The following MIPOL1 variants were observed in gnomAD, a reference collection of about 807,000 sequenced individuals.
MIPOL1 encodes mirror-image polydactyly gene 1 protein.
In MIPOL1, 57 loss-of-function variants were observed where a neutral mutation model predicts 60.9. That is an observed-to-expected ratio of 0.94 (90% confidence interval 0.76 to 1.17). The LOEUF (loss-of-function observed/expected upper bound fraction) is 1.17. Ranked by LOEUF, MIPOL1 falls within the 50% of genes most tolerant of loss-of-function variation. MIPOL1 has a pLI of 0.00. For missense variants in MIPOL1, 551 were observed against 511.6 expected (o/e 1.08, Z -0.74); for synonymous variants, 179 against 168.8 (o/e 1.06, Z -0.47).
At chr14:37,299,798 A>G (rs1260123679) in intron 7 of MIPOL1, among the ~76,000 whole-genome samples, 2 of 151,976 alleles carry the variant, frequency 1.3e-5, no homozygotes, top group Non-Finnish European at 1.5e-5. Flanking sequence ...GGATTTCACT[A>G]ATTTTTCTCA....
At chr14:37,254,212 TAA>T (rs1392602086) in intron 3 of MIPOL1, among the ~76,000 whole-genome samples, 1 of 151,768 alleles carries the variant, frequency 6.6e-6, no homozygotes, top group Non-Finnish European at 1.5e-5. Flanking sequence ...TTAATATAAA[TAA>T]GTTTATTAAA....
At chr14:37,205,260 G>A (rs905433911) in intron 1 of MIPOL1, among the ~76,000 whole-genome samples, 4 of 151,882 alleles carry the variant, frequency 2.6e-5, no homozygotes, top group South Asian at 2.1e-4. Context: ...GCACTACCAC[G>A]CCCAGCTAAT....
intron 1 of MIPOL1, among the ~76,000 whole-genome samples, chr14:37,240,241 G>A (rs765242246): frequency 6.6e-6 from 1 of 152,000 alleles, no homozygotes; most frequent in Non-Finnish European, 1.5e-5. Flanking sequence ...ATCGCTAAAT[G>A]GTTTTTGTTC....
chr14:37,466,576 T>G (rs1367907315), intron 11 of MIPOL1, among the ~76,000 whole-genome samples: 1 of 152,184 alleles, frequency 6.6e-6, no homozygotes, highest in East Asian at 1.9e-4. Flanking sequence ...TGCCATTGAT[T>G]AGCTATCAGG....
intron 7 of MIPOL1, among the ~76,000 whole-genome samples, chr14:37,303,228 A>C (rs1042386178): frequency 3.9e-5 from 6 of 151,934 alleles, no homozygotes; most frequent in Non-Finnish European, 7.4e-5. Flanking sequence ...GGGCTAGACT[A>C]CTTGGCCAAA....
chr14:37,450,690 G>A lies in MIPOL1; in HGVS notation c.1031+27741G>A, dbSNP rs185609879. Among the ~76,000 whole-genome samples, 469 of 151,958 alleles carry A rather than the reference G, an allele frequency of 3.1e-3. 4 individuals are homozygous for A. Among genetic ancestry groups the A allele is most frequent in the Middle Eastern group, 0.031 (9 of 294 alleles). On this transcript the variant is annotated intron_variant, in intron 11 of 12. Transcript: ENST00000684589. Reference sequence around the variant, plus strand: ...ATATTATTTGATAGTTTTCTCTTTCGTTTTTCCCCTTGATGTCTCTCTTTC... The same window carrying A: ...ATATTATTTGATAGTTTTCTCTTTCATTTTTCCCCTTGATGTCTCTCTTTC...
chr14:37,283,206 C>T (rs921692826), intron 6 of MIPOL1, among the ~76,000 whole-genome samples: 4 of 152,096 alleles, frequency 2.6e-5, no homozygotes, highest in African/African-American at 9.7e-5. Flanking sequence ...GCTGAGATCA[C>T]GGGTGCCCGC....
intron 11 of MIPOL1, among the ~76,000 whole-genome samples, chr14:37,465,792 GAAT>G (rs1005509242): frequency 1.9e-4 from 29 of 152,042 alleles, no homozygotes; most frequent in African/African-American, 6.7e-4. Flanking sequence ...TCTCCTGCCA[GAAT>G]AATAATAAAA....
intron 11 of MIPOL1, among the ~76,000 whole-genome samples, chr14:37,428,440 A>G (rs1595733334): frequency 6.6e-6 from 1 of 152,180 alleles, no homozygotes; most frequent in East Asian, 1.9e-4. Context: ...AAAATACAAA[A>G]TTTAGCAAGG....
chr14:37,275,106 T>C (rs531859817), intron 6 of MIPOL1, among the ~76,000 whole-genome samples: 1 of 151,280 alleles, frequency 6.6e-6, no homozygotes, highest in South Asian at 2.1e-4. Flanking sequence ...TGTGCAAATA[T>C]TTTTTTAAAA....
chr14:37,218,968 A>G (rs989432825), intron 1 of MIPOL1, among the ~76,000 whole-genome samples: 9 of 152,008 alleles, frequency 5.9e-5, no homozygotes, highest in Admixed American at 4.6e-4. Context: ...GAGCTAGGTA[A>G]TATTAATAGT....
chr14:37,481,967 A>C (rs2094877757), intron 11 of MIPOL1, among the ~76,000 whole-genome samples: 1 of 152,208 alleles, frequency 6.6e-6, no homozygotes, highest in South Asian at 2.1e-4. Context: ...ATGAAAGGCC[A>C]GAAACTATAA....
At chr14:37,418,853 G>A (rs774214786) in intron 10 of MIPOL1, among the ~76,000 whole-genome samples, 1 of 151,884 alleles carries the variant, frequency 6.6e-6, no homozygotes, top group African/African-American at 2.4e-5. Flanking sequence ...GTTTTAAAGC[G>A]ATATCATTAT....
intron 10 of MIPOL1, among the ~76,000 whole-genome samples, chr14:37,407,517 C>G (rs1482103538): frequency 6.6e-6 from 1 of 152,098 alleles, no homozygotes; most frequent in Non-Finnish European, 1.5e-5. Flanking sequence ...TAACCTCTAA[C>G]TATGTGTAAG....
intron 11 of MIPOL1, among the ~76,000 whole-genome samples, chr14:37,484,489 T>C (rs932363502): frequency 1.3e-4 from 20 of 151,884 alleles, no homozygotes; most frequent in African/African-American, 4.6e-4. Flanking sequence ...AGGAGTGTCC[T>C]ACCGCGCCCA....
Position 37,201,880 on chromosome 14 carries a change from G to T in MIPOL1, c.-199+3776G>T, listed in dbSNP as rs1227319529. 2.0e-4 allele frequency among the ~76,000 whole-genome samples: 31 copies of T among 152,114 alleles called. 1 individual carries two copies. Among genetic ancestry groups the T allele is most frequent in the Admixed American group, 2.0e-3 (30 of 15,262 alleles). ...AACAGGATCTTGCTCTGTCACTCAG[G>T]CTGGAGTACAGTGGTGCAATCATAG... On this transcript the variant is annotated intron_variant, in intron 1 of 12. Coordinates refer to ENST00000684589, the MANE Select transcript of MIPOL1 (RefSeq NM_001388067.1).
chr14:37,468,836 T>C (rs111273987), intron 11 of MIPOL1, among the ~76,000 whole-genome samples: 3,339 of 152,238 alleles, frequency 0.022, 110 homozygotes, highest in African/African-American at 0.075. Flanking sequence ...CCAAAGGATA[T>C]GTAGGAGCTA....
At chr14:37,515,857 A>G (rs1363173525) in intron 12 of MIPOL1, among the ~76,000 whole-genome samples, 2 of 152,150 alleles carry the variant, frequency 1.3e-5, no homozygotes, top group African/African-American at 4.8e-5. Flanking sequence ...TTTTAGGAAG[A>G]CTTTCTGATG....
intron 1 of MIPOL1, among the ~76,000 whole-genome samples, chr14:37,209,038 TTAA>T (rs1210771341): frequency 1.3e-5 from 2 of 152,232 alleles, no homozygotes; most frequent in African/African-American, 4.8e-5. Flanking sequence ...TATAATTTAA[TTAA>T]TAATACTACT....
Sources: allele counts gnomAD v4.1 joint callset (sites outside exome capture counted in the v4.1 genomes callset), GRCh38; gene constraint gnomAD v4.1.1; transcripts MANE v1.5; gene names NCBI Gene and HGNC (gene_info 2026-07-23, HGNC 2026-07-21).